ST3GAL2: variants seen among roughly 807,000 people sequenced by gnomAD.
ST3GAL2 encodes the protein ST3 beta-galactoside alpha-2,3-sialyltransferase 2, also known as CMP-N-acetylneuraminate-beta-galactosamide-alpha-2,3-sialyltransferase 2.
In ST3GAL2, 16 loss-of-function variants were observed where a neutral mutation model predicts 37.5. The observed-to-expected ratio is 0.43, with a 90% CI of 0.29 to 0.65. The LOEUF (loss-of-function observed/expected upper bound fraction) is 0.65. Ranked by LOEUF, ST3GAL2 falls within the 30% of genes least tolerant of loss-of-function variation. The probability of loss-of-function intolerance (pLI) is 0.17; values close to 1 mark genes in which losing one functional copy is unlikely to be tolerated. For missense variants in ST3GAL2, 383 were observed against 487.8 expected, an observed-to-expected ratio of 0.79 and a Z score of 2.02; for synonymous variants, 238 against 202.9, an observed-to-expected ratio of 1.17 and a Z score of -1.47.
intron 1 of ST3GAL2, among the ~76,000 whole-genome samples, chr16:70,409,320 C>A (rs2047619139): frequency 6.6e-6 from 1 of 151,392 alleles, no homozygotes; most frequent in Admixed American, 6.6e-5. Flanking sequence ...GGTCTCTCCA[C>A]ATTCTAGCTA....
intron 3 of ST3GAL2, among the ~76,000 whole-genome samples, chr16:70,393,507 G>GCTCAAA (rs2047495521): frequency 6.6e-6 from 1 of 152,240 alleles, no homozygotes; most frequent in Non-Finnish European, 1.5e-5. Flanking sequence ...ACCAGTGAAA[G>GCTCAAA]CTCAAACTTG....
chr16:70,394,525 G>A (rs1350524882), intron 3 of ST3GAL2, among the ~76,000 whole-genome samples: 2 of 152,068 alleles, frequency 1.3e-5, no homozygotes, highest in Non-Finnish European at 2.9e-5. Flanking sequence ...ATACAGACAC[G>A]CCACAATGCC....
At position 70,381,629 on chromosome 16, in the gene ST3GAL2, T is replaced by TCCCGGGCCGGAGCCCCGGTG; in HGVS notation, c.*40_*59dup. The stretch of plus-strand genomic sequence containing the variant: ...TTGGTCGCGGGTTGCTGGTCCTGGG[T>TCCCGGGCCGGAGCCCCGGTG]CCCGGGCCGGAGCCCCGGTGCCCGA... On this transcript the variant is annotated 3_prime_UTR_variant, in exon 7 of 7. Coordinates refer to ENST00000342907, the MANE Select transcript of ST3GAL2 (RefSeq NM_006927.4). 1 of 1,578,534 alleles carries TCCCGGGCCGGAGCCCCGGTG rather than the reference T, an allele frequency of 6.3e-7. No individual in the cohort carries two copies.
At chr16:70,393,279 T>C (rs2047494038) in intron 3 of ST3GAL2, among the ~76,000 whole-genome samples, 1 of 152,082 alleles carries the variant, frequency 6.6e-6, no homozygotes. Context: ...GGTTTCACAA[T>C]GTTGTCCAGG....
At chr16:70,417,825 G>C (rs903085473) in intron 1 of ST3GAL2, among the ~76,000 whole-genome samples, 3 of 151,998 alleles carry the variant, frequency 2.0e-5, no homozygotes, top group Non-Finnish European at 4.4e-5. Context: ...GGGGGGCGGG[G>C]GGAATGTTAG....
rs1270391503 is a variant in ST3GAL2 at position 70,398,650 on chromosome 16, G to C, written c.-120C>G. On this transcript the variant is annotated 5_prime_UTR_variant, in exon 2 of 7. Coordinates refer to ENST00000342907, the MANE Select transcript of ST3GAL2 (RefSeq NM_006927.4). ...TGCAAAGGGCATAGGGGCACGTGCT[G>C]CAGCAGGGGACAGTGGCAGGGGTCC... 2 of 949,488 alleles carry C rather than the reference G, an allele frequency of 2.1e-6. No individual in the cohort carries two copies. The highest frequency in any genetic ancestry group is 3.1e-6 in the Non-Finnish European group (2 of 647,290). 58.8% of individuals were successfully genotyped at this position (949,488 alleles called of 1,614,324 possible).
Position 70,398,803 on chromosome 16 carries a change from C to T in ST3GAL2, c.-273G>A, listed in dbSNP as rs913482394. The stretch of plus-strand genomic sequence containing the variant: ...TCCGTCACTAGCTAGGCCACAGAGG[C>T]TCTGCCTCTCCTGCCACCCTGGTGA... On this transcript the variant is annotated 5_prime_UTR_variant, in exon 2 of 7. Transcript: ENST00000342907. 1.8e-6 allele frequency: 1 copy of T among 570,594 alleles called. No homozygotes were observed. Among genetic ancestry groups the T allele is most frequent in the African/African-American group, 1.9e-5 (1 of 53,642 alleles). The allele number at this position is 570,594 out of a possible 1,614,324, so 35.3% of individuals were successfully genotyped here.
At position 70,398,444 on chromosome 16, in the gene ST3GAL2, G is replaced by A. The variant is rs1346136452; in HGVS notation, c.87C>T (p.His29=). The A allele has an allele frequency of 5.0e-6, 8 of 1,613,594 alleles. No homozygotes were observed. The highest frequency in any genetic ancestry group is 2.7e-5 in the African/African-American group (2 of 74,950). The part of the protein sequence containing the change: ...IMSLLFTYSH[H]SMATLPYLDS... Reference sequence around the variant, plus strand: ...CCAGGTAGGGGAGCGTGGCCATGCTGTGGTGCGAGTAGGTGAAGAGCAGGG... The same window carrying A: ...CCAGGTAGGGGAGCGTGGCCATGCTATGGTGCGAGTAGGTGAAGAGCAGGG... Residue 29 remains histidine (H), a synonymous_variant, in exon 2 of 7, where the codon CAC becomes CAT. Coordinates refer to ENST00000342907, the MANE Select transcript of ST3GAL2 (RefSeq NM_006927.4).
At chr16:70,424,581 A>G (rs1207718733) in intron 1 of ST3GAL2, among the ~76,000 whole-genome samples, 1 of 152,046 alleles carries the variant, frequency 6.6e-6, no homozygotes, top group Non-Finnish European at 1.5e-5. Flanking sequence ...AGCCTGGACA[A>G]TAAGAGCAAA....
intron 1 of ST3GAL2, among the ~76,000 whole-genome samples, chr16:70,402,533 G>T (rs950509121): frequency 6.6e-6 from 1 of 152,130 alleles, no homozygotes. Flanking sequence ...GAAAATCAAG[G>T]AAACAACACA....
At chr16:70,413,033 G>A (rs938003005) in intron 1 of ST3GAL2, among the ~76,000 whole-genome samples, 6 of 152,164 alleles carry the variant, frequency 3.9e-5, no homozygotes, top group African/African-American at 1.4e-4. Flanking sequence ...TGGATCAGCT[G>A]AGGTCAGGAG....
chr16:70,395,198 G>T, intron 2 of ST3GAL2, 23 bp from the exon 3 acceptor site: 1 of 1,585,916 alleles, frequency 6.3e-7, no homozygotes. Context: ...GGGGAAGATG[G>T]GAAACGAGGA....
At chr16:70,421,808 G>A (rs2047716591) in intron 1 of ST3GAL2, among the ~76,000 whole-genome samples, 1 of 152,144 alleles carries the variant, frequency 6.6e-6, no homozygotes, top group South Asian at 2.1e-4. Flanking sequence ...TGGGACCACA[G>A]GTACACACAA....
chr16:70,400,832 A>C (rs1314649445), intron 1 of ST3GAL2: 1 of 152,276 alleles, frequency 6.6e-6, no homozygotes, highest in African/African-American at 2.4e-5. Context: ...CAGGGTCGAA[A>C]GTGAAGCCCC....
At chr16:70,424,380 T>A (rs1488128869) in intron 1 of ST3GAL2, among the ~76,000 whole-genome samples, 1 of 148,158 alleles carries the variant, frequency 6.7e-6, no homozygotes, top group African/African-American at 2.5e-5. Context: ...GGCAGGCGGA[T>A]CACCTGAGGT....
rs1224234001 is a variant in ST3GAL2, at chr16:70,378,906, A to T, written c.*2783T>A. 6.6e-6 allele frequency: 1 copy of T among 151,518 alleles called. No homozygotes were observed. The highest frequency in any genetic ancestry group is 2.4e-5 in the African/African-American group (1 of 41,162). The allele number at this position is 151,518 out of a possible 1,614,324, so 9.4% of individuals were successfully genotyped here. ...GCTACTCCCTACTCTCCTGAGGCAG[A>T]AGAATCGCTTGAACCCAGGAGGTGG... On this transcript the variant is annotated 3_prime_UTR_variant, in exon 7 of 7. Transcript: ENST00000342907.
intron 1 of ST3GAL2, among the ~76,000 whole-genome samples, chr16:70,406,362 G>T (rs1453314374): frequency 6.6e-6 from 1 of 151,932 alleles, no homozygotes; most frequent in Non-Finnish European, 1.5e-5. Flanking sequence ...ACAAAAATTA[G>T]CCGGGGGGTG....
chr16:70,391,195 G>T (rs750597069), intron 3 of ST3GAL2, among the ~76,000 whole-genome samples: 10 of 152,140 alleles, frequency 6.6e-5, no homozygotes, highest in Non-Finnish European at 1.3e-4. Context: ...GGATCACTGT[G>T]CCCCCTACCT....
rs1287190209 is a variant in ST3GAL2 at position 70,398,636 on chromosome 16, T to C, written c.-106A>G. ...ATTCTGGCACCACATGCAAAGGGCA[T>C]AGGGGCACGTGCTGCAGCAGGGGAC... is the stretch of plus-strand genomic sequence containing the variant. On this transcript the variant is annotated 5_prime_UTR_variant, in exon 2 of 7. It removes an upstream start codon present in the reference 5' UTR. Transcript: ENST00000342907. 3.7e-6 allele frequency: 4 copies of C among 1,084,036 alleles called. No homozygotes were observed. The highest frequency in any genetic ancestry group is 1.6e-5 in the South Asian group (1 of 64,384). The allele number at this position is 1,084,036 out of a possible 1,614,324, so 67.2% of individuals were successfully genotyped here.
Sources: gnomAD v4.1 joint callset for allele counts (sites outside exome capture counted in the v4.1 genomes callset) on GRCh38, gnomAD v4.1.1 for gene constraint, MANE v1.5 for transcripts, NCBI Gene and HGNC (gene_info 2026-07-23, HGNC 2026-07-21) for gene names.